The following ANK3 variants were observed in gnomAD, a reference collection of about 807,000 sequenced individuals.
ANK3 encodes ankyrin-3.
ANK3 carries 57 observed loss-of-function variants against 370.9 expected under a neutral mutation model. That is an observed-to-expected ratio of 0.15 (90% CI 0.12 to 0.19). The LOEUF is 0.19. Among genes scored for constraint, ANK3 ranks in the 10% least tolerant of loss-of-function variants. The pLI, the probability that ANK3 is intolerant of heterozygous loss-of-function variation, is 1.00. For missense variants in ANK3, 4,439 were observed against 5,302.1 expected, an observed-to-expected ratio of 0.84 and a Z score of 5.06; for synonymous variants, 1,929 against 1,946.3, an observed-to-expected ratio of 0.99 and a Z score of 0.23.
At chr10:60,038,305 G>A (rs1031478055) in intron 43 of ANK3, among the ~76,000 whole-genome samples, 7 of 152,188 alleles carry the variant, frequency 4.6e-5, no homozygotes, top group African/African-American at 1.7e-4. Flanking sequence ...GTTGGGGCAT[G>A]AGAATTGCTT....
chr10:60,298,867 A>G (rs2043089695), intron 1 of ANK3, among the ~76,000 whole-genome samples: 2 of 152,210 alleles, frequency 1.3e-5, no homozygotes, highest in Non-Finnish European at 2.9e-5. Flanking sequence ...AGCAATGAGT[A>G]TTTCTCAAAG....
intron 2 of ANK3, among the ~76,000 whole-genome samples, chr10:60,606,377 T>A (rs1329241522): frequency 6.6e-6 from 1 of 152,090 alleles, no homozygotes; most frequent in Non-Finnish European, 1.5e-5. Context: ...GTACACAGGA[T>A]CCTTTCTAAA....
At chr10:60,157,876 G>A (rs949434693) in intron 23 of ANK3, among the ~76,000 whole-genome samples, 6 of 123,128 alleles carry the variant, frequency 4.9e-5, no homozygotes, top group African/African-American at 9.0e-5. Context: ...GACAGAGAGA[G>A]AGAGAGAAAA....
intron 28 of ANK3, among the ~76,000 whole-genome samples, chr10:60,105,633 A>C (rs1419632601): frequency 6.6e-6 from 1 of 152,234 alleles, no homozygotes; most frequent in African/African-American, 2.4e-5. Flanking sequence ...TTTTTGACTT[A>C]GAAAACTTTC....
chr10:60,527,762 G>C (rs543860229), intron 2 of ANK3, among the ~76,000 whole-genome samples: 15 of 152,200 alleles, frequency 9.9e-5, no homozygotes, highest in African/African-American at 3.6e-4. Context: ...CCTGCTAAAG[G>C]CTCTCTTGCA....
At chr10:60,655,220 A>G in intron 1 of ANK3, among the ~76,000 whole-genome samples, 1 of 151,832 alleles carries the variant, frequency 6.6e-6, no homozygotes. Context: ...AAAAAAAAGA[A>G]AAAAAGGTTA....
chr10:60,640,740 G>A (rs1412765035), intron 1 of ANK3, among the ~76,000 whole-genome samples: 1 of 88,776 alleles, frequency 1.1e-5, no homozygotes, highest in Non-Finnish European at 2.5e-5. Flanking sequence ...AGACAGCGAT[G>A]CCCTCTCTCA....
In ANK3 at chr10:60,427,191, T is replaced by C. The variant is rs148582762; in HGVS notation, c.97-147552A>G. On this transcript the variant is annotated intron_variant, in intron 2 of 43. Transcript: ENST00000373827. ...GTAATTAATTCAACAAAATGCTACA[T>C]GTAAATCAAATAAGCAGTCAGAGAA... is the stretch of plus-strand genomic sequence containing the variant. Among the ~76,000 whole-genome samples the C allele has an allele frequency of 2.7e-3, 406 of 152,232 alleles. 1 individual carries two copies. Among genetic ancestry groups the C allele is most frequent in the Non-Finnish European group, 4.6e-3 (314 of 67,988 alleles).
chr10:60,469,275 T>C (rs201828350), intron 2 of ANK3, among the ~76,000 whole-genome samples: 2,171 of 3,022 alleles, frequency 0.72, 667 homozygotes, highest in South Asian at 0.88. Context: ...ATATATACCA[T>C]TTTTAGTGTG....
chr10:60,082,307 T>TA, intron 34 of ANK3, 131 bp from the exon 35 acceptor site: 2 of 868,190 alleles, frequency 2.3e-6, no homozygotes, highest in Non-Finnish European at 3.5e-6. Context: ...AAGCAAATTT[T>TA]AAAAAAAGCC....
rs2083402762 is a variant in ANK3 at position 60,074,693 on chromosome 10, C to T, written c.6188G>A (p.Arg2063Lys). 8 of 1,613,340 alleles carry T rather than the reference C, an allele frequency of 5.0e-6. No individual in the cohort carries two copies. The East Asian group carries it at 1.8e-4, about 36-fold the overall frequency. Residue 2063 changes from arginine to lysine, a missense_variant, in exon 37 of 44, where the codon AGA (arginine) becomes AAA (lysine). Physicochemically the swap from Arg to Lys is conservative, Grantham distance 26. Transcript: ENST00000280772. The part of the protein sequence containing the change: ...FEDAKKDGEE[R>K]QKRVLKPAIA... ...TGCTGGTTTTAAAACTCTTTTCTGT[C>T]TCTCCTCACCATCCTTCTTTGCATC...
intron 36 of ANK3, among the ~76,000 whole-genome samples, chr10:60,078,583 A>G (rs906034493): frequency 6.6e-6 from 1 of 152,216 alleles, no homozygotes; most frequent in African/African-American, 2.4e-5. Context: ...TTCGCAAGGA[A>G]CAACCAACCT....
At chr10:60,454,667 C>A (rs1316064743) in intron 2 of ANK3, among the ~76,000 whole-genome samples, 1 of 152,114 alleles carries the variant, frequency 6.6e-6, no homozygotes. Context: ...TTATTACATA[C>A]ACAAAAGGGT....
intron 1 of ANK3, among the ~76,000 whole-genome samples, chr10:60,616,558 A>G (rs1489847642): frequency 6.6e-6 from 1 of 152,140 alleles, no homozygotes; most frequent in Admixed American, 6.6e-5. Context: ...TTGCATCCTA[A>G]TCTACCTATT....
chr10:60,264,444 G>A (rs765503361), intron 5 of ANK3, among the ~76,000 whole-genome samples: 16 of 151,942 alleles, frequency 1.1e-4, no homozygotes, highest in Non-Finnish European at 1.9e-4. Flanking sequence ...TCAGGAGTTC[G>A]AGACCAGCAT....
chr10:60,160,937 C>T (rs529621923), intron 23 of ANK3, among the ~76,000 whole-genome samples: 2 of 152,050 alleles, frequency 1.3e-5, no homozygotes, highest in East Asian at 3.9e-4. Context: ...AGTATCATAC[C>T]CAATGGGGAA....
At chr10:60,323,858 C>T (rs1227134451) in intron 1 of ANK3, among the ~76,000 whole-genome samples, 1 of 152,146 alleles carries the variant, frequency 6.6e-6, no homozygotes, top group African/African-American at 2.4e-5. Context: ...GTGCCAGATG[C>T]TCCTGCCAGG....
At position 60,072,573 on chromosome 10, in the gene ANK3, C is replaced by T. The variant is rs797045238; in HGVS notation, c.8308G>A (p.Ala2770Thr). Residue 2770 changes from alanine to threonine, a missense_variant, in exon 37 of 44, where the codon GCC (alanine) becomes ACC (threonine). This residue lies in a region of ANK3 where 1,601 missense variants were observed against 1,731.7 expected (regional missense o/e 0.92). Transcript: ENST00000280772. ...QVFAREKQQKAIDLPDESVSV... is the reference protein window; with the variant it reads ...QVFAREKQQKTIDLPDESVSV... ...ACACTTTCATCTGGGAGGTCTATGG[C>T]CTTCTGCTGTTTTTCTCTAGCAAAA... is the stretch of plus-strand genomic sequence containing the variant. The T allele has an allele frequency of 1.2e-6, 2 of 1,613,438 alleles. No individual in the cohort carries two copies. The highest frequency in any genetic ancestry group is 1.7e-6 in the Non-Finnish European group (2 of 1,179,836).
At chr10:60,514,618 A>C (rs1443083592) in intron 2 of ANK3, among the ~76,000 whole-genome samples, 3 of 152,106 alleles carry the variant, frequency 2.0e-5, no homozygotes, top group African/African-American at 4.8e-5. Context: ...GAAATCTAAA[A>C]CAAATAGGAA....
Sources: allele counts gnomAD v4.1 joint callset (sites outside exome capture counted in the v4.1 genomes callset), GRCh38; gene constraint gnomAD v4.1.1; regional missense constraint gnomAD v4.1.1; transcripts MANE v1.5; gene names NCBI Gene and HGNC (gene_info 2026-07-23, HGNC 2026-07-21).